Variants in MDGA2 observed in about 807,000 individuals in gnomAD.
MDGA2 encodes MAM domain-containing glycosylphosphatidylinositol anchor protein 2.
MDGA2 carries 40 observed loss-of-function variants against 117.8 expected under a neutral mutation model. That is an observed-to-expected ratio of 0.34 (90% CI 0.26 to 0.44). MDGA2 has a LOEUF of 0.44. Ranked by LOEUF, MDGA2 falls within the 20% of genes least tolerant of loss-of-function variation. MDGA2 has a pLI of 1.00. For missense variants in MDGA2, 1,123 were observed against 1,250.6 expected (o/e 0.90, Z 1.54); for synonymous variants, 452 against 439.0 (o/e 1.03, Z -0.37).
At chr14:47,216,120 AG>A (rs1329852090) in intron 3 of MDGA2, among the ~76,000 whole-genome samples, 1 of 152,158 alleles carries the variant, frequency 6.6e-6, no homozygotes, top group African/African-American at 2.4e-5. Flanking sequence ...ATGAGCAGGT[AG>A]AAAGGAGAAG....
chr14:47,213,970 C>A (rs915798415), intron 3 of MDGA2, among the ~76,000 whole-genome samples: 7 of 151,918 alleles, frequency 4.6e-5, no homozygotes, highest in African/African-American at 1.7e-4. Flanking sequence ...ACCTTTTTGG[C>A]GAGTAGTAGC....
In MDGA2 at chr14:47,271,420, GA is replaced by G. The variant is rs1438765342; in HGVS notation, c.420+29990del. 2.0e-5 allele frequency among the ~76,000 whole-genome samples: 3 copies of G among 152,234 alleles called. No individual in the cohort carries two copies. In the South Asian group the frequency reaches 6.2e-4, roughly 32 times the overall value. On this transcript the variant is annotated intron_variant, in intron 2 of 16. Coordinates refer to ENST00000399232, the MANE Select transcript of MDGA2 (RefSeq NM_001113498.3). ...TTTTGAAAAAGATGAAAATAAAGTT[GA>G]AATGTAAAAATCTAAAATGTGGTTC...
At chr14:46,873,700 A>C in intron 13 of MDGA2, 109 bp from the exon 14 acceptor site, 1 of 985,406 alleles carries the variant, frequency 1.0e-6, no homozygotes, top group Non-Finnish European at 1.4e-6. Context: ...ATGGATAGGA[A>C]GATTTGCATC....
chr14:47,401,517 T>C (rs1274910757), intron 1 of MDGA2, among the ~76,000 whole-genome samples: 1 of 152,162 alleles, frequency 6.6e-6, no homozygotes, highest in Non-Finnish European at 1.5e-5. Flanking sequence ...AAGGCTTAAA[T>C]TTTTACCAAC....
chr14:47,298,711 G>C (rs1441043544), intron 2 of MDGA2, among the ~76,000 whole-genome samples: 1 of 137,622 alleles, frequency 7.3e-6, no homozygotes. Context: ...TTGAGACAGA[G>C]TCTCGTTCTG....
chr14:47,189,871 C>T (rs1885046993), intron 3 of MDGA2, among the ~76,000 whole-genome samples: 1 of 152,072 alleles, frequency 6.6e-6, no homozygotes, highest in African/African-American at 2.4e-5. Context: ...GAGATGGTGA[C>T]AATTAACACC....
chr14:47,146,436 G>A (rs1056495536), intron 3 of MDGA2, among the ~76,000 whole-genome samples: 1 of 152,066 alleles, frequency 6.6e-6, no homozygotes, highest in Non-Finnish European at 1.5e-5. Flanking sequence ...AGCGATATAT[G>A]CTGTCTGGTT....
At chr14:47,371,968 A>T (rs1262476252) in intron 1 of MDGA2, among the ~76,000 whole-genome samples, 2 of 151,806 alleles carry the variant, frequency 1.3e-5, no homozygotes, top group Admixed American at 6.6e-5. Context: ...TGTTTACAAA[A>T]ATAAAATGTA....
At chr14:47,498,455 G>T (rs955886925) in intron 1 of MDGA2, among the ~76,000 whole-genome samples, 4 of 151,964 alleles carry the variant, frequency 2.6e-5, no homozygotes, top group Non-Finnish European at 4.4e-5. Context: ...CTTGATTTTT[G>T]CTGTTAGACT....
intron 1 of MDGA2, among the ~76,000 whole-genome samples, chr14:47,397,689 G>A (rs1389350052): frequency 6.6e-6 from 1 of 151,966 alleles, no homozygotes; most frequent in African/African-American, 2.4e-5. Context: ...AATTACATGA[G>A]CACATATATG....
At position 47,481,628 on chromosome 14, in the gene MDGA2, T is replaced by C. The variant is rs367766707; in HGVS notation, c.281-180078A>G. ...TCAGTGACCAAATGGCTCAAGGACT[T>C]TTTATGATCCACTAAATTAAGTCAC... On this transcript the variant is annotated intron_variant, in intron 1 of 16. Transcript: ENST00000399232. Among the ~76,000 whole-genome samples, 193 of 152,112 alleles carry C rather than the reference T, an allele frequency of 1.3e-3. 1 individual carries two copies. The highest frequency in any genetic ancestry group is 4.4e-3 in the African/African-American group (181 of 41,564).
chr14:47,046,073 C>T (rs983036494), intron 7 of MDGA2, among the ~76,000 whole-genome samples: 2 of 151,308 alleles, frequency 1.3e-5, no homozygotes, highest in African/African-American at 4.9e-5. Context: ...TTAATGGGTG[C>T]AGCACACCAA....
chr14:47,254,792 A>G (rs1887562958), intron 2 of MDGA2, among the ~76,000 whole-genome samples: 1 of 152,192 alleles, frequency 6.6e-6, no homozygotes, highest in African/African-American at 2.4e-5. Context: ...GCTATAAAGA[A>G]CTGCCCAAGA....
intron 2 of MDGA2, among the ~76,000 whole-genome samples, chr14:47,249,634 G>C (rs1312356586): frequency 6.6e-6 from 1 of 152,148 alleles, no homozygotes; most frequent in East Asian, 1.9e-4. Context: ...ACTCATGTTT[G>C]ACCACAATTC....
intron 3 of MDGA2, among the ~76,000 whole-genome samples, chr14:47,179,599 A>C (rs1371096250): frequency 6.6e-6 from 1 of 152,068 alleles, no homozygotes; most frequent in Non-Finnish European, 1.5e-5. Context: ...TTTATTATAT[A>C]TTTTAATAGG....
chr14:46,928,884 T>A (rs1445672437), intron 9 of MDGA2, among the ~76,000 whole-genome samples: 1 of 152,182 alleles, frequency 6.6e-6, no homozygotes, highest in Admixed American at 6.6e-5. Context: ...ATAAAATCAT[T>A]TTTATTTCTT....
At chr14:47,578,426 A>T (rs1355440156) in intron 1 of MDGA2, among the ~76,000 whole-genome samples, 4 of 152,130 alleles carry the variant, frequency 2.6e-5, no homozygotes, top group South Asian at 2.1e-4. Flanking sequence ...TAAAAAATTT[A>T]AAAAAAGAAA....
At chr14:47,212,412 T>C (rs1019200045) in intron 3 of MDGA2, among the ~76,000 whole-genome samples, 1 of 152,158 alleles carries the variant, frequency 6.6e-6, no homozygotes, top group Admixed American at 6.6e-5. Context: ...TTCACATCTG[T>C]ACTTTATTAA....
Position 47,282,971 on chromosome 14 carries a change from C to T in MDGA2, c.420+18440G>A, listed in dbSNP as rs564827477. Among the ~76,000 whole-genome samples, 29 of 152,148 alleles carry T rather than the reference C, an allele frequency of 1.9e-4. No homozygotes were observed. The East Asian group carries it at 2.3e-3, about 12-fold the overall frequency. ...CTTTAATAAATAAATAAATAACATA[C>T]ATTTTTTAAATGGAAAGGCAGTGAA... On this transcript the variant is annotated intron_variant, in intron 2 of 16. Transcript: ENST00000399232.
Sources: gnomAD v4.1 joint callset for allele counts (sites outside exome capture counted in the v4.1 genomes callset) on GRCh38, gnomAD v4.1.1 for gene constraint, MANE v1.5 for transcripts, NCBI Gene and HGNC (gene_info 2026-07-23, HGNC 2026-07-21) for gene names.